The following PRKCE variants were observed in gnomAD, a reference collection of about 807,000 sequenced individuals.
The protein encoded by PRKCE is protein kinase C epsilon type.
Under a neutral mutation model 85.4 loss-of-function variants are expected in PRKCE, and 16 were observed. The observed-to-expected ratio is 0.19, with a 90% confidence interval of 0.13 to 0.28. The LOEUF is 0.28. PRKCE is among the 10% of genes least tolerant of loss of function. The pLI is 1.00. For synonymous variants in PRKCE, 388 were observed against 371.5 expected, an observed-to-expected ratio of 1.04 and a Z score of -0.51; for missense variants, 573 against 975.2, an observed-to-expected ratio of 0.59 and a Z score of 5.49.
intron 1 of PRKCE, among the ~76,000 whole-genome samples, chr2:45,705,510 C>G (rs1394468046): frequency 6.6e-6 from 1 of 152,176 alleles, no homozygotes; most frequent in African/African-American, 2.4e-5. Flanking sequence ...CCAACCAGAC[C>G]AACCCAGCCC....
chr2:45,776,420 G>A (rs570172771), intron 1 of PRKCE, among the ~76,000 whole-genome samples: 175 of 152,268 alleles, frequency 1.1e-3, no homozygotes, highest in African/African-American at 4.0e-3. Context: ...CACTGCTCCT[G>A]AAGAGAACAA....
chr2:45,849,681 A>T (rs1310027327), intron 2 of PRKCE, among the ~76,000 whole-genome samples: 1 of 152,158 alleles, frequency 6.6e-6, no homozygotes, highest in African/African-American at 2.4e-5. Context: ...ATGCATGGAC[A>T]TGTCAAATCC....
rs181550613 is a variant in PRKCE at position 45,711,109 on chromosome 2, C to G, written c.348+58661C>G. On this transcript the variant is annotated intron_variant, in intron 1 of 14. Transcript: ENST00000306156. ...AGCGCAGCTCAGAGCACGAACTTTG[C>G]AGTCCCAAAGATTAACGTGCAACTC... Among the ~76,000 whole-genome samples, 5 of 152,358 alleles carry G rather than the reference C, an allele frequency of 3.3e-5. No homozygotes were observed. In the East Asian group the frequency reaches 9.6e-4, roughly 29 times the overall value.
chr2:46,000,976 C>T (rs1302848957), intron 6 of PRKCE: 1 of 152,104 alleles, frequency 6.6e-6, no homozygotes, highest in Non-Finnish European at 1.5e-5. Context: ...CTTCTAAGCC[C>T]CTTAGGTGCC....
intron 11 of PRKCE, among the ~76,000 whole-genome samples, chr2:46,129,708 T>C (rs1236806322): frequency 2.0e-5 from 3 of 152,252 alleles, no homozygotes; most frequent in African/African-American, 7.2e-5. Context: ...GGCTGAAGGC[T>C]GCCCACAGGA....
rs1680345523 is a variant in PRKCE, at chr2:46,184,920, G to A, written c.*39G>A. On this transcript the variant is annotated 3_prime_UTR_variant, in exon 15 of 15. Transcript: ENST00000306156. The surrounding 1 kb of genome is among the most constrained non-coding windows in gnomAD (Gnocchi z 5.0). ...TTGGACTTTGCCGATGCTGCAAGAAGGGGTGCAGAGAAGACTCCTGTGTTG... is the reference window on the plus strand; with the variant it reads ...TTGGACTTTGCCGATGCTGCAAGAAAGGGTGCAGAGAAGACTCCTGTGTTG... 1.3e-6 allele frequency: 2 copies of A among 1,598,332 alleles called. No individual in the cohort carries two copies. Among genetic ancestry groups the A allele is most frequent in the Non-Finnish European group, 8.5e-7 (1 of 1,179,090 alleles).
chr2:46,088,871 A>T (rs1669892687), intron 11 of PRKCE, among the ~76,000 whole-genome samples: 1 of 152,212 alleles, frequency 6.6e-6, no homozygotes, highest in Non-Finnish European at 1.5e-5. Context: ...TACTTGGTAA[A>T]TGACAGACAT....
intron 2 of PRKCE, among the ~76,000 whole-genome samples, chr2:45,928,823 C>T (rs1166722032): frequency 6.6e-6 from 1 of 152,050 alleles, no homozygotes; most frequent in Non-Finnish European, 1.5e-5. Flanking sequence ...ATAATGCATG[C>T]ACATAATCCA....
intron 5 of PRKCE, among the ~76,000 whole-genome samples, chr2:45,983,937 ATTTTTTTTT>A (rs11418472): frequency 7.5e-6 from 1 of 132,992 alleles, no homozygotes; most frequent in Non-Finnish European, 1.6e-5. Flanking sequence ...TGAAGGTACA[ATTTTTTTTT>A]TTTTTTTTTG....
In PRKCE at chr2:45,686,548, A is replaced by G. The variant is rs550927991; in HGVS notation, c.348+34100A>G. ...AGGTAATACAGTGAGGTGGCTTGAC[A>G]TAGAATTAATATACAAAAATAACCG... On this transcript the variant is annotated intron_variant, in intron 1 of 14. Coordinates refer to ENST00000306156, the MANE Select transcript of PRKCE (RefSeq NM_005400.3). Among the ~76,000 whole-genome samples, 5 of 152,364 alleles carry G rather than the reference A, an allele frequency of 3.3e-5. No homozygotes were observed. In the East Asian group the frequency reaches 5.8e-4, roughly 18 times the overall value.
chr2:45,911,258 A>T (rs192204146), intron 2 of PRKCE, among the ~76,000 whole-genome samples: 67 of 152,240 alleles, frequency 4.4e-4, no homozygotes, highest in African/African-American at 1.5e-3. Context: ...TCCCACTGAC[A>T]CCTGTCTAGC....
intron 1 of PRKCE, among the ~76,000 whole-genome samples, chr2:45,813,745 G>T (rs56834211): frequency 0.045 from 6,861 of 152,226 alleles, 531 homozygotes; most frequent in African/African-American, 0.16. Flanking sequence ...CTAAATTGTG[G>T]CCTGTTGTGA....
chr2:45,906,964 C>G lies in PRKCE; in HGVS notation c.412+63901C>G, dbSNP rs571828804. 4.3e-3 allele frequency among the ~76,000 whole-genome samples: 658 copies of G among 152,164 alleles called. 4 individuals are homozygous for G. The highest frequency in any genetic ancestry group is 0.017 in the South Asian group (80 of 4,810). On this transcript the variant is annotated intron_variant, in intron 2 of 14. Coordinates refer to ENST00000306156, the MANE Select transcript of PRKCE (RefSeq NM_005400.3). ...AAGGAGCTGCATTGTGAGTGTGGGC[C>G]CAGAGAACACAGTAGGAGAGAAATG...
At chr2:45,723,628 G>A (rs1056618892) in intron 1 of PRKCE, among the ~76,000 whole-genome samples, 4 of 151,996 alleles carry the variant, frequency 2.6e-5, no homozygotes, top group Non-Finnish European at 5.9e-5. Flanking sequence ...TTTTTGAGAC[G>A]GAGTTTCACT....
At chr2:46,119,243 C>T (rs889533723) in intron 11 of PRKCE, among the ~76,000 whole-genome samples, 2 of 151,564 alleles carry the variant, frequency 1.3e-5, no homozygotes, top group African/African-American at 4.9e-5. Context: ...CTGCTGATTA[C>T]AGTAGCAGCT....
chr2:45,699,859 G>A (rs1004071178), intron 1 of PRKCE, among the ~76,000 whole-genome samples: 2 of 152,126 alleles, frequency 1.3e-5, no homozygotes, highest in African/African-American at 2.4e-5. Context: ...TGTGGATGCC[G>A]CCGCTTGTGT....
chr2:45,804,550 GA>G (rs1053057853), intron 1 of PRKCE, among the ~76,000 whole-genome samples: 70 of 152,292 alleles, frequency 4.6e-4, no homozygotes, highest in Non-Finnish European at 7.8e-4. Context: ...GTAGCAGAAG[GA>G]ACAAGCTCTG....
intron 14 of PRKCE, among the ~76,000 whole-genome samples, chr2:46,182,074 C>T (rs1322254022): frequency 6.6e-6 from 1 of 152,200 alleles, no homozygotes; most frequent in Admixed American, 6.5e-5. Flanking sequence ...GCCACCCCTA[C>T]TACTCCATTA....
chr2:45,833,497 C>T (rs1044573758), intron 1 of PRKCE, among the ~76,000 whole-genome samples: 2 of 152,154 alleles, frequency 1.3e-5, no homozygotes, highest in South Asian at 2.1e-4. Context: ...AAGTTGTGTG[C>T]CAGACAGTTT....
Sources: allele counts gnomAD v4.1 joint callset (sites outside exome capture counted in the v4.1 genomes callset), GRCh38; gene constraint gnomAD v4.1.1; non-coding constraint Gnocchi (gnomAD v3.1); transcripts MANE v1.5; gene names NCBI Gene and HGNC (gene_info 2026-07-23, HGNC 2026-07-21).